The following CHLSN variants were observed in gnomAD, a reference collection of about 807,000 sequenced individuals.
The protein encoded by CHLSN is cholesin, also known as protein cholesin.
At chr7:1,101,412 C>T in the CHLSN span, among the ~76,000 whole-genome samples, 389 of 151,270 alleles carry the variant, frequency 2.6e-3, 2 homozygotes, top group African/African-American at 9.3e-3. Context: ...TCAGAGCAGG[C>T]GCGTGCGGCG....
the CHLSN span, among the ~76,000 whole-genome samples, chr7:1,032,612 G>A: frequency 2.1e-4 from 31 of 145,422 alleles, no homozygotes; most frequent in African/African-American, 7.1e-4. Context: ...CTCAGAGGCC[G>A]CAGCCACCCG....
chr7:1,043,377 A>G, the CHLSN span: 1 of 152,278 alleles, frequency 6.6e-6, no homozygotes, highest in Admixed American at 6.5e-5. Context: ...TTAGTAATCC[A>G]TAAAGTAATG....
At chr7:1,106,824 G>A in the CHLSN span, among the ~76,000 whole-genome samples, 2,584 of 152,276 alleles carry the variant, frequency 0.017, 94 homozygotes, top group East Asian at 0.17. Flanking sequence ...CCTTCCCTCC[G>A]TGCTGTTTCT....
chr7:1,053,732 C>T, the CHLSN span, among the ~76,000 whole-genome samples: 1 of 152,214 alleles, frequency 6.6e-6, no homozygotes, highest in African/African-American at 2.4e-5. Context: ...GAGGCTGAGG[C>T]AGGAGAATCG....
chr7:985,112 C>T, the CHLSN span: 1 of 1,609,738 alleles, frequency 6.2e-7, no homozygotes, highest in Non-Finnish European at 8.5e-7. Flanking sequence ...GAGCAGGGGG[C>T]CGGGGACGCC....
chr7:1,004,044 G>C, the CHLSN span, among the ~76,000 whole-genome samples: 1 of 151,946 alleles, frequency 6.6e-6, no homozygotes, highest in African/African-American at 2.4e-5. Context: ...TGCGGGTGTG[G>C]AGCCCAGCTG....
the CHLSN span, among the ~76,000 whole-genome samples, chr7:1,032,456 C>A: frequency 6.6e-6 from 1 of 152,114 alleles, no homozygotes; most frequent in South Asian, 2.1e-4. Context: ...AGCCACCCAC[C>A]CACACCGCCA....
the CHLSN span, among the ~76,000 whole-genome samples, chr7:983,973 G>C: frequency 6.6e-6 from 1 of 152,082 alleles, no homozygotes; most frequent in Non-Finnish European, 1.5e-5. Flanking sequence ...CCCTGCCTCC[G>C]GCTGCCCCCA....
chr7:1,040,923 G>T, the CHLSN span, among the ~76,000 whole-genome samples: 1 of 152,260 alleles, frequency 6.6e-6, no homozygotes, highest in African/African-American at 2.4e-5. Context: ...CTGCAGCCGC[G>T]CTCCGTGAGT....
chr7:985,344 C>CT, the CHLSN span: 1 of 1,546,748 alleles, frequency 6.5e-7, no homozygotes, highest in Non-Finnish European at 8.7e-7. Flanking sequence ...GCCTCCCATC[C>CT]TTGGGGTGGG....
chr7:1,048,548 G>A, the CHLSN span, among the ~76,000 whole-genome samples: 1 of 152,122 alleles, frequency 6.6e-6, no homozygotes, highest in Non-Finnish European at 1.5e-5. Context: ...ACAGGCCTGG[G>A]GCAGTCCATT....
chr7:1,033,960 C>T, the CHLSN span, among the ~76,000 whole-genome samples: 341 of 152,330 alleles, frequency 2.2e-3, 2 homozygotes, highest in African/African-American at 7.6e-3. Flanking sequence ...ATCAGGCTGG[C>T]CGGGGGCCAC....
At chr7:1,021,484 G>A in the CHLSN span, 5 of 985,472 alleles carry the variant, frequency 5.1e-6, no homozygotes, top group Non-Finnish European at 4.8e-6. Context: ...CTGGGCTGCT[G>A]CTTTGACAAG....
At chr7:1,001,410 GGTGA>G in the CHLSN span, among the ~76,000 whole-genome samples, 1 of 145,642 alleles carries the variant, frequency 6.9e-6, no homozygotes, top group Non-Finnish European at 1.5e-5. Context: ...GAGTCCTGTG[GGTGA>G]GTGGAGTCCT....
chr7:1,034,270 AAG>A, the CHLSN span, among the ~76,000 whole-genome samples: 1 of 152,262 alleles, frequency 6.6e-6, no homozygotes, highest in Non-Finnish European at 1.5e-5. Context: ...ACAAACTTTG[AAG>A]AATCCAAATA....
chr7:1,027,535 G>A, the CHLSN span, among the ~76,000 whole-genome samples: 4 of 152,280 alleles, frequency 2.6e-5, no homozygotes, highest in South Asian at 2.1e-4. Context: ...AAACCCGGCT[G>A]AGCCCCGACG....
At chr7:1,005,406 G>A in the CHLSN span, among the ~76,000 whole-genome samples, 14 of 152,364 alleles carry the variant, frequency 9.2e-5, no homozygotes, top group East Asian at 3.9e-4. Flanking sequence ...CAGCCACAGC[G>A]TCCACGTGCT....
chr7:1,072,213 C>T, the CHLSN span, among the ~76,000 whole-genome samples: 1 of 152,246 alleles, frequency 6.6e-6, no homozygotes, highest in Admixed American at 6.5e-5. Context: ...TGCCCACGGT[C>T]AGCACACACT....
chr7:1,008,199 G>A, the CHLSN span, among the ~76,000 whole-genome samples: 3 of 152,276 alleles, frequency 2.0e-5, no homozygotes, highest in East Asian at 3.9e-4. Context: ...CCATTCCTGC[G>A]GCTGGCACCT....
Sources: allele counts gnomAD v4.1 joint callset (sites outside exome capture counted in the v4.1 genomes callset), GRCh38; gene constraint gnomAD v4.1.1; transcripts MANE v1.5; gene names NCBI Gene and HGNC (gene_info 2026-07-23, HGNC 2026-07-21).